Variants in GABRA2 observed in about 807,000 individuals in gnomAD.
GABRA2 encodes the protein gamma-aminobutyric acid type A receptor subunit alpha2.
In GABRA2, 16 loss-of-function variants were observed where a neutral mutation model predicts 48.7. The observed-to-expected ratio is 0.33, with a 90% CI of 0.22 to 0.50. The LOEUF is 0.50. Ranked by LOEUF, GABRA2 falls within the 20% of genes least tolerant of loss-of-function variation. GABRA2 has a pLI of 0.98. For synonymous variants in GABRA2, 185 were observed against 184.5 expected, an observed-to-expected ratio of 1.00 and a Z score of -0.02; for missense variants, 275 against 535.6, an observed-to-expected ratio of 0.51 and a Z score of 4.80.
chr4:46,250,636 G>A, intron 9 of GABRA2, 32 bp from the exon 10 acceptor site: 1 of 1,497,796 alleles, frequency 6.7e-7, no homozygotes, highest in Non-Finnish European at 9.1e-7. Context: ...AACAGAGTGT[G>A]GGTTGAGTCT....
intron 3 of GABRA2, among the ~76,000 whole-genome samples, chr4:46,335,085 G>A (rs2109825078): frequency 6.6e-6 from 1 of 152,152 alleles, no homozygotes; most frequent in Non-Finnish European, 1.5e-5. Flanking sequence ...AGAATTCTAT[G>A]ATCAAAACTC....
chr4:46,389,206 C>T, intron 1 of GABRA2: 1 of 988,108 alleles, frequency 1.0e-6, no homozygotes. Context: ...GGGCAGGCAG[C>T]CCACTTTTGC....
chr4:46,261,818 C>CAT (rs1717033669), intron 9 of GABRA2, 108 bp downstream of exon 9: 7 of 929,064 alleles, frequency 7.5e-6, no homozygotes, highest in South Asian at 2.8e-5. Context: ...GATTCAAATT[C>CAT]ATATATATAT....
rs1714089739 is a variant in GABRA2 at position 46,248,321 on chromosome 4, A to T, written c.*1987T>A. The T allele has an allele frequency of 6.6e-6, 1 of 151,410 alleles. No homozygotes were observed. Among genetic ancestry groups the T allele is most frequent in the South Asian group, 2.1e-4 (1 of 4,830 alleles). 9.4% of individuals were successfully genotyped at this position (151,410 alleles called of 1,614,324 possible). A position where few individuals can be genotyped will look rare whatever the true frequency, so the allele number is the denominator to read the frequency against. On this transcript the variant is annotated 3_prime_UTR_variant, in exon 10 of 10. Coordinates refer to ENST00000381620, the MANE Select transcript of GABRA2 (RefSeq NM_000807.4). ...CACACATCCCTAAACTATACAGAAG[A>T]GCTATGCTATATTTAAATGTATAAG...
chr4:46,347,652 A>G (rs1240934134), intron 3 of GABRA2, among the ~76,000 whole-genome samples: 1 of 151,960 alleles, frequency 6.6e-6, no homozygotes, highest in Non-Finnish European at 1.5e-5. Flanking sequence ...AGATTAAAAC[A>G]TAAGGGAAAG....
At chr4:46,280,981 T>C (rs1329395923) in intron 8 of GABRA2, among the ~76,000 whole-genome samples, 1 of 152,176 alleles carries the variant, frequency 6.6e-6, no homozygotes, top group African/African-American at 2.4e-5. Context: ...TGAACCCTGA[T>C]CATCGACTTC....
At chr4:46,372,143 G>C (rs1714992647) in intron 3 of GABRA2, among the ~76,000 whole-genome samples, 1 of 152,202 alleles carries the variant, frequency 6.6e-6, no homozygotes, top group African/African-American at 2.4e-5. Flanking sequence ...TTTTCTATTA[G>C]AGAGTTAGCA....
Position 46,312,443 on chromosome 4 carries a change from T to C in GABRA2, c.476+53A>G, listed in dbSNP as rs890329799. ...ACAGCTAGATTGGCTGGTTGTTTAA[T>C]ACATGAAAATTTCTCAGTATATAAA... On this transcript the variant is annotated intron_variant, in intron 5 of 9. Coordinates refer to ENST00000381620, the MANE Select transcript of GABRA2 (RefSeq NM_000807.4). 51 of 1,218,690 alleles carry C rather than the reference T, an allele frequency of 4.2e-5. 1 individual carries two copies. The highest frequency in any genetic ancestry group is 5.5e-5 in the Non-Finnish European group (46 of 839,256). 75.5% of individuals were successfully genotyped at this position (1,218,690 alleles called of 1,614,324 possible).
rs1394388996 is a variant in GABRA2, at chr4:46,329,059, TG to T, written c.255+3555del. On this transcript the variant is annotated intron_variant, in intron 4 of 9. Coordinates refer to ENST00000381620, the MANE Select transcript of GABRA2 (RefSeq NM_000807.4). Reference sequence around the variant, plus strand: ...TTATTCAACTTTAATTTTTCCTAGCTGCATCTTTCTTCTCTAGATTTGGACA... The same window carrying T: ...TTATTCAACTTTAATTTTTCCTAGCTCATCTTTCTTCTCTAGATTTGGACA... Among the ~76,000 whole-genome samples the T allele has an allele frequency of 2.4e-4, 36 of 152,122 alleles. 1 individual carries two copies. The highest frequency in any genetic ancestry group is 8.5e-4 in the Admixed American group (13 of 15,230).
At chr4:46,385,933 C>A (rs1390756815) in intron 3 of GABRA2, 141 bp downstream of exon 3, 2 of 595,076 alleles carry the variant, frequency 3.4e-6, no homozygotes, top group Non-Finnish European at 5.8e-6. Context: ...AATATTTTTT[C>A]ATATATCTTA....
At chr4:46,350,117 A>G (rs1734870599) in intron 3 of GABRA2, among the ~76,000 whole-genome samples, 1 of 151,920 alleles carries the variant, frequency 6.6e-6, no homozygotes, top group South Asian at 2.1e-4. Flanking sequence ...TCCAAATTCA[A>G]CAGCTAAGAT....
At chr4:46,279,676 G>A (rs1721142057) in intron 8 of GABRA2, among the ~76,000 whole-genome samples, 1 of 151,642 alleles carries the variant, frequency 6.6e-6, no homozygotes, top group Non-Finnish European at 1.5e-5. Flanking sequence ...TTCATTATTT[G>A]GACTATCCTA....
At chr4:46,346,020 G>A (rs1353177321) in intron 3 of GABRA2, among the ~76,000 whole-genome samples, 3 of 151,862 alleles carry the variant, frequency 2.0e-5, no homozygotes, top group East Asian at 1.9e-4. Flanking sequence ...TAACTAGAAT[G>A]TCACGCACAC....
At chr4:46,266,842 C>T (rs1718349225) in intron 8 of GABRA2, among the ~76,000 whole-genome samples, 1 of 151,296 alleles carries the variant, frequency 6.6e-6, no homozygotes, top group Admixed American at 6.6e-5. Flanking sequence ...CTGCCTCAGC[C>T]TCCCGAGTAG....
At chr4:46,355,677 AC>A (rs1163063881) in intron 3 of GABRA2, among the ~76,000 whole-genome samples, 1 of 152,130 alleles carries the variant, frequency 6.6e-6, no homozygotes, top group Non-Finnish European at 1.5e-5. Context: ...AAGCACAGGA[AC>A]CCCCAAATAA....
At chr4:46,273,484 CATATATATATATATATGCAT>C (rs1205119868) in intron 8 of GABRA2, among the ~76,000 whole-genome samples, 1 of 18,912 alleles carries the variant, frequency 5.3e-5, no homozygotes, top group African/African-American at 1.8e-4. Context: ...TATATATATG[CATATATATATATATATGCAT>C]ATATATATAT....
intron 8 of GABRA2, among the ~76,000 whole-genome samples, chr4:46,301,764 T>C (rs1725781491): frequency 6.6e-6 from 1 of 152,212 alleles, no homozygotes; most frequent in African/African-American, 2.4e-5. Flanking sequence ...TTACCCTTCC[T>C]GGTTATATGG....
chr4:46,296,189 C>T (rs1045710919), intron 8 of GABRA2, among the ~76,000 whole-genome samples: 3 of 152,100 alleles, frequency 2.0e-5, no homozygotes, highest in African/African-American at 4.8e-5. Context: ...AGCCAGGATT[C>T]GTAGGTCCAG....
chr4:46,335,549 C>A (rs1377997519), intron 3 of GABRA2, among the ~76,000 whole-genome samples: 1 of 152,146 alleles, frequency 6.6e-6, no homozygotes, highest in East Asian at 1.9e-4. Context: ...TCTCAGCTCA[C>A]CGCAACCTCT....
Sources: allele counts gnomAD v4.1 joint callset (sites outside exome capture counted in the v4.1 genomes callset), GRCh38; gene constraint gnomAD v4.1.1; transcripts MANE v1.5; gene names NCBI Gene and HGNC (gene_info 2026-07-23, HGNC 2026-07-21).